DKK4: variants seen among roughly 807,000 people sequenced by gnomAD.
DKK4 encodes dickkopf-related protein 4.
In DKK4, 15 loss-of-function variants were observed where a neutral mutation model predicts 14.5. The ratio of observed to expected loss-of-function variants is 1.03; its 90% confidence interval spans 0.69 to 1.59. The LOEUF (loss-of-function observed/expected upper bound fraction) is 1.59, where lower values mean the gene tolerates loss of function less well. Among genes scored for constraint, DKK4 ranks in the 40% most tolerant of loss-of-function variants. The pLI, the probability that DKK4 is intolerant of heterozygous loss-of-function variation, is 0.00. For synonymous variants in DKK4, 89 were observed against 105.2 expected (o/e 0.85, Z 0.94); for missense variants, 272 against 280.3 (o/e 0.97, Z 0.21).
the DKK4 span, among the ~76,000 whole-genome samples, chr8:42,388,968 T>C: frequency 6.6e-6 from 1 of 152,122 alleles, no homozygotes; most frequent in Non-Finnish European, 1.5e-5. Context: ...TTGGAGATGG[T>C]GTCTCCCTCT....
chr8:42,387,344 C>CTTTT, the DKK4 span, among the ~76,000 whole-genome samples: 143 of 44,910 alleles, frequency 3.2e-3, 27 homozygotes, highest in Non-Finnish European at 4.6e-3. Context: ...GAAGGCCAGT[C>CTTTT]TTTTTTTTTT....
the DKK4 span, among the ~76,000 whole-genome samples, chr8:42,388,695 C>T: frequency 5.3e-5 from 8 of 151,028 alleles, no homozygotes; most frequent in Admixed American, 2.0e-4. Flanking sequence ...CTCAGCCTCC[C>T]GAGTAGCTGG....
chr8:42,383,210 A>G, the DKK4 span, among the ~76,000 whole-genome samples: 3 of 152,314 alleles, frequency 2.0e-5, no homozygotes, highest in Admixed American at 2.0e-4. Context: ...TGGTTCCCTG[A>G]GGTCAGAAGG....
chr8:42,385,606 T>C, the DKK4 span, among the ~76,000 whole-genome samples: 1 of 151,886 alleles, frequency 6.6e-6, no homozygotes, highest in Non-Finnish European at 1.5e-5. Flanking sequence ...GGCTTCTCTT[T>C]TACCTTGTCT....
At chr8:42,381,029 T>C (rs1435937947), upstream of DKK4, among the ~76,000 whole-genome samples, 3 of 152,092 alleles carry the variant, frequency 2.0e-5, no homozygotes, top group East Asian at 5.8e-4. Flanking sequence ...AGTATGGTGC[T>C]TAGGTTGCAC....
At chr8:42,389,361 T>G in the DKK4 span, among the ~76,000 whole-genome samples, 1 of 152,146 alleles carries the variant, frequency 6.6e-6, no homozygotes, top group Non-Finnish European at 1.5e-5. Context: ...GACCACAGAG[T>G]TGGCAAAGCT....
At chr8:42,379,157 A>T (rs557875167), upstream of DKK4, among the ~76,000 whole-genome samples, 4 of 149,548 alleles carry the variant, frequency 2.7e-5, no homozygotes, top group South Asian at 4.2e-4. Flanking sequence ...AGGCTGAGGC[A>T]GGAGAATTGT....
the DKK4 span, among the ~76,000 whole-genome samples, chr8:42,386,445 A>G: frequency 6.6e-6 from 1 of 152,062 alleles, no homozygotes. Context: ...ATGTATTATA[A>G]TTTATTTAAT....
chr8:42,374,827 C>G lies in DKK4; in HGVS notation c.349G>C (p.Gly117Arg), dbSNP rs1824526170. 6.2e-7 allele frequency: 1 copy of G among 1,614,028 alleles called. No homozygotes were observed. ...QDGTHAEGTT[G>R]HPVQENQPKR... Reference sequence around the variant, plus strand: ...GGTTGGTTTTCCTGGACTGGGTGCCCAGTTGTTCCTTCTGCATGTGTGCCA... The same window carrying G: ...GGTTGGTTTTCCTGGACTGGGTGCCGAGTTGTTCCTTCTGCATGTGTGCCA... Residue 117 changes from glycine to arginine, a missense_variant, in exon 3 of 4, where the codon GGG becomes CGG. Gly to Arg is a moderately radical substitution (Grantham distance 125). Transcript: ENST00000220812.
chr8:42,383,270 C>T, the DKK4 span, among the ~76,000 whole-genome samples: 1 of 152,194 alleles, frequency 6.6e-6, no homozygotes, highest in Admixed American at 6.5e-5. Flanking sequence ...CACCCAGGGA[C>T]AGCACAGGGG....
upstream of DKK4, among the ~76,000 whole-genome samples, chr8:42,379,418 G>C (rs1268104035): frequency 3.2e-5 from 4 of 125,360 alleles, no homozygotes; most frequent in African/African-American, 1.2e-4. Flanking sequence ...GAGAGAGAGA[G>C]AGAGAGAGAA....
the DKK4 span, among the ~76,000 whole-genome samples, chr8:42,384,677 T>C: frequency 6.6e-6 from 1 of 151,894 alleles, no homozygotes; most frequent in African/African-American, 2.4e-5. Flanking sequence ...CCTCTGGTCG[T>C]CTCCATGTTA....
upstream of DKK4, among the ~76,000 whole-genome samples, chr8:42,378,609 G>A (rs1044050679): frequency 1.3e-5 from 2 of 152,246 alleles, no homozygotes; most frequent in Admixed American, 6.5e-5. Flanking sequence ...ATAAAGGAAA[G>A]AGCCCCCAGG....
the DKK4 span, among the ~76,000 whole-genome samples, chr8:42,389,527 T>C: frequency 4.6e-5 from 7 of 152,200 alleles, no homozygotes; most frequent in Non-Finnish European, 1.0e-4. Flanking sequence ...GTATCTTACT[T>C]ATCTCTTATT....
chr8:42,375,073 G>A (rs1004337316), intron 2 of DKK4, among the ~76,000 whole-genome samples, 160 bp from the exon 3 acceptor site: 6 of 152,154 alleles, frequency 3.9e-5, no homozygotes, highest in Non-Finnish European at 5.9e-5. Context: ...TTACATGCTC[G>A]CATGTGGCAG....
chr8:42,380,630 AAAG>A (rs1824657504), upstream of DKK4, among the ~76,000 whole-genome samples: 2 of 145,824 alleles, frequency 1.4e-5, no homozygotes, highest in Non-Finnish European at 3.0e-5. Flanking sequence ...AGAAAGAAAG[AAAG>A]AGGAAAGAAA....
At chr8:42,380,957 GAGAA>G (rs370261986), upstream of DKK4, among the ~76,000 whole-genome samples, 149 of 152,156 alleles carry the variant, frequency 9.8e-4, no homozygotes, top group African/African-American at 3.3e-3. Flanking sequence ...ACGAAAGAAA[GAGAA>G]AGAAAAAGAA....
chr8:42,382,814 C>A, the DKK4 span, among the ~76,000 whole-genome samples: 2 of 151,612 alleles, frequency 1.3e-5, no homozygotes, highest in Non-Finnish European at 2.9e-5. Flanking sequence ...TGAAATTTCT[C>A]AAAAAAAAAT....
At position 42,376,726 on chromosome 8, in the gene DKK4, G is replaced by A. The variant is rs560277996; in HGVS notation, c.111+209C>T. On this transcript the variant is annotated intron_variant, in intron 1 of 3. Coordinates refer to ENST00000220812, the MANE Select transcript of DKK4 (RefSeq NM_014420.3). ...GTGATTTATAGACAAACGTATGGCC[G>A]AATGATGTGAAAAGCCACTGTGTTT... Among the ~76,000 whole-genome samples the A allele has an allele frequency of 4.3e-4, 65 of 152,238 alleles. No homozygotes were observed. The South Asian group carries it at 0.012, about 29-fold the overall frequency.
Sources: gnomAD v4.1 joint callset for allele counts (sites outside exome capture counted in the v4.1 genomes callset) on GRCh38, gnomAD v4.1.1 for gene constraint, MANE v1.5 for transcripts, NCBI Gene and HGNC (gene_info 2026-07-23, HGNC 2026-07-21) for gene names.